The following RIMS3 variants were observed in gnomAD, a reference collection of about 807,000 sequenced individuals.
The protein encoded by RIMS3 is regulating synaptic membrane exocytosis protein 3.
Under a neutral mutation model 29.2 loss-of-function variants are expected in RIMS3, and 15 were observed. The ratio of observed to expected loss-of-function variants is 0.51; its 90% CI spans 0.34 to 0.79. The LOEUF (loss-of-function observed/expected upper bound fraction) is 0.79. RIMS3 is among the 30% of genes least tolerant of loss of function. The pLI is 0.01. For synonymous variants in RIMS3, 161 were observed against 170.1 expected (o/e 0.95, Z 0.41); for missense variants, 342 against 421.4 (o/e 0.81, Z 1.65).
intron 1 of RIMS3, among the ~76,000 whole-genome samples, chr1:40,657,388 A>G (rs1386092236): frequency 1.3e-5 from 2 of 152,184 alleles, no homozygotes; most frequent in Non-Finnish European, 2.9e-5. Flanking sequence ...ACCGAGATTA[A>G]GAGAGGTGAA....
At chr1:40,684,737 G>C in the RIMS3 span, among the ~76,000 whole-genome samples, 1 of 152,162 alleles carries the variant, frequency 6.6e-6, no homozygotes, top group Non-Finnish European at 1.5e-5. Context: ...ATTTTATCTT[G>C]AAACAGCTCA....
At chr1:40,674,745 T>C in the RIMS3 span, among the ~76,000 whole-genome samples, 1 of 152,162 alleles carries the variant, frequency 6.6e-6, no homozygotes, top group East Asian at 1.9e-4. Flanking sequence ...TCTCTTGCCC[T>C]TCACCTGCTG....
chr1:40,631,645 C>A (rs538642866), intron 5 of RIMS3, among the ~76,000 whole-genome samples: 2 of 152,078 alleles, frequency 1.3e-5, no homozygotes, highest in African/African-American at 4.8e-5. Flanking sequence ...TGCCATTGCA[C>A]TCCAGCCTGG....
In RIMS3 at chr1:40,636,141, C is replaced by T; in HGVS notation, c.218-84G>A. ...TTCTCTAAGAGTCCTGCCAAAGTCACTCTCTTGGCATGGGGGGTTGATGGG... is the reference window on the plus strand; with the variant it reads ...TTCTCTAAGAGTCCTGCCAAAGTCATTCTCTTGGCATGGGGGGTTGATGGG... On this transcript the variant is annotated intron_variant, in intron 3 of 7. Transcript: ENST00000372684. This position sits in a 1 kb window ranked among gnomAD's most constrained non-coding sequence, Gnocchi z 4.2. 2 of 1,536,500 alleles carry T rather than the reference C, an allele frequency of 1.3e-6. No individual in the cohort carries two copies. Among genetic ancestry groups the T allele is most frequent in the Non-Finnish European group, 1.8e-6 (2 of 1,127,152 alleles).
At chr1:40,629,231 T>A in intron 6 of RIMS3, 40 bp downstream of exon 6, 2 of 1,535,906 alleles carry the variant, frequency 1.3e-6, no homozygotes, top group Non-Finnish European at 1.8e-6. Flanking sequence ...CTCGGCTCTA[T>A]GCCCCTCCCT....
intron 3 of RIMS3, among the ~76,000 whole-genome samples, chr1:40,637,503 C>CACACATACACAT (rs1325687825): frequency 1.3e-5 from 2 of 152,132 alleles, no homozygotes; most frequent in South Asian, 4.1e-4. Flanking sequence ...CTCATACACA[C>CACACATACACAT]ACACACAGAG....
the RIMS3 span, among the ~76,000 whole-genome samples, chr1:40,683,816 A>T: frequency 6.6e-6 from 1 of 152,244 alleles, no homozygotes; most frequent in Non-Finnish European, 1.5e-5. Flanking sequence ...GGTTAGATAA[A>T]GGTTCTGTCC....
At chr1:40,684,265 G>A in the RIMS3 span, among the ~76,000 whole-genome samples, 1 of 152,226 alleles carries the variant, frequency 6.6e-6, no homozygotes, top group Non-Finnish European at 1.5e-5. Flanking sequence ...TTCAAAGGAT[G>A]TCAGGACTCT....
intron 1 of RIMS3, among the ~76,000 whole-genome samples, chr1:40,650,320 G>A (rs1025448597): frequency 6.6e-5 from 10 of 152,196 alleles, no homozygotes; most frequent in African/African-American, 2.2e-4. Context: ...TCAGAAGCAG[G>A]GACTTGAAGG....
the RIMS3 span, chr1:40,690,277 T>C: frequency 6.6e-6 from 1 of 152,218 alleles, no homozygotes; most frequent in East Asian, 1.9e-4. Context: ...ATTAGCTACA[T>C]CTGTCTCTAC....
chr1:40,685,812 A>C, the RIMS3 span, among the ~76,000 whole-genome samples: 2 of 152,084 alleles, frequency 1.3e-5, no homozygotes, highest in African/African-American at 2.4e-5. Context: ...GCCAATACAT[A>C]GATGAAGAAG....
the RIMS3 span, chr1:40,691,467 A>T: frequency 1.4e-5 from 4 of 288,834 alleles, no homozygotes; most frequent in African/African-American, 9.3e-5. Context: ...AAGGATAGGC[A>T]GGGTGGTGGA....
intron 1 of RIMS3, among the ~76,000 whole-genome samples, chr1:40,650,864 A>C (rs1353326976): frequency 1.2e-3 from 17 of 14,680 alleles, no homozygotes; most frequent in African/African-American, 3.7e-3. Context: ...AGACTCTGTC[A>C]AAAAAAAAAA....
the RIMS3 span, among the ~76,000 whole-genome samples, chr1:40,683,804 T>C: frequency 4.6e-5 from 7 of 152,354 alleles, no homozygotes; most frequent in East Asian, 7.7e-4. Flanking sequence ...TTGGATAGTG[T>C]TGGTTAGATA....
At chr1:40,680,844 C>T in the RIMS3 span, among the ~76,000 whole-genome samples, 1 of 152,154 alleles carries the variant, frequency 6.6e-6, no homozygotes, top group African/African-American at 2.4e-5. Flanking sequence ...ATATTTGAAA[C>T]ACATTGTCCA....
chr1:40,678,928 G>C, the RIMS3 span, among the ~76,000 whole-genome samples: 1 of 152,222 alleles, frequency 6.6e-6, no homozygotes, highest in Non-Finnish European at 1.5e-5. Context: ...AAATCTGTTA[G>C]AAAGCCTGAA....
upstream of RIMS3, chr1:40,669,554 A>G (rs952215119): frequency 2.6e-5 from 4 of 152,268 alleles, no homozygotes; most frequent in African/African-American, 7.2e-5. Flanking sequence ...TCACCCCAGG[A>G]AGCGGTGGGG....
intron 2 of RIMS3, among the ~76,000 whole-genome samples, chr1:40,644,176 C>T (rs1646579546): frequency 6.6e-6 from 1 of 152,202 alleles, no homozygotes. Context: ...ACAGAAAGTA[C>T]CTCAGGCCAT....
At chr1:40,682,834 G>A in the RIMS3 span, among the ~76,000 whole-genome samples, 3 of 139,308 alleles carry the variant, frequency 2.2e-5, no homozygotes, top group Admixed American at 7.7e-5. Context: ...TCTGCCTCCC[G>A]GGTTCAAGCG....
Sources: gnomAD v4.1 joint callset for allele counts (sites outside exome capture counted in the v4.1 genomes callset) on GRCh38, gnomAD v4.1.1 for gene constraint, Gnocchi (gnomAD v3.1) non-coding constraint, MANE v1.5 for transcripts, NCBI Gene and HGNC (gene_info 2026-07-23, HGNC 2026-07-21) for gene names.